Variants in SLC9C2 observed in about 807,000 individuals in gnomAD.
SLC9C2 encodes sodium/hydrogen exchanger 11.
A neutral mutation model predicts 140.2 loss-of-function variants in SLC9C2; 75 were observed. The ratio of observed to expected loss-of-function variants is 0.53; its 90% CI spans 0.44 to 0.65. SLC9C2 has a LOEUF of 0.65. Among genes scored for constraint, SLC9C2 ranks in the 30% least tolerant of loss-of-function variants. The pLI, the probability that SLC9C2 is intolerant of heterozygous loss-of-function variation, is 0.00. For synonymous variants in SLC9C2, 375 were observed against 420.9 expected (o/e 0.89, Z 1.34); for missense variants, 1,074 against 1,331.8 (o/e 0.81, Z 3.01).
intron 4 of SLC9C2, among the ~76,000 whole-genome samples, chr1:173,592,021 TC>T (rs1339137675): frequency 6.6e-6 from 1 of 152,232 alleles, no homozygotes; most frequent in African/African-American, 2.4e-5. Flanking sequence ...AAATCTTTAA[TC>T]CATCTTGAGT....
intron 7 of SLC9C2, among the ~76,000 whole-genome samples, chr1:173,580,407 A>G (rs1665455505): frequency 6.6e-6 from 1 of 151,788 alleles, no homozygotes; most frequent in Non-Finnish European, 1.5e-5. Flanking sequence ...GCTGAAGTGC[A>G]ATGGCATGAT....
At chr1:173,540,646 A>G (rs1420408388) in intron 13 of SLC9C2, among the ~76,000 whole-genome samples, 1 of 152,234 alleles carries the variant, frequency 6.6e-6, no homozygotes, top group Non-Finnish European at 1.5e-5. Flanking sequence ...AAGACAGAAA[A>G]TGTACCTCAT....
chr1:173,527,339 C>A (rs976321430), intron 18 of SLC9C2, among the ~76,000 whole-genome samples: 1 of 152,180 alleles, frequency 6.6e-6, no homozygotes, highest in Non-Finnish European at 1.5e-5. Flanking sequence ...CAGAAAAGAT[C>A]AGTATGTACT....
At chr1:173,587,289 T>G (rs6425251) in intron 5 of SLC9C2, among the ~76,000 whole-genome samples, 62,692 of 152,010 alleles carry the variant, frequency 0.41, 16,140 homozygotes, top group African/African-American at 0.7. Context: ...GAATAGTCTC[T>G]TTAGGGATCT....
Position 173,533,802 on chromosome 1 carries a change from A to G in SLC9C2, c.1975-5T>C. On this transcript the variant is annotated splice_polypyrimidine_tract_variant and splice_region_variant and intron_variant, in intron 16 of 27. Coordinates refer to ENST00000367714, the MANE Select transcript of SLC9C2 (RefSeq NM_178527.4). The stretch of plus-strand genomic sequence containing the variant: ...TTTCCTTTTCAAAATTATTATCTGT[A>G]CAGAAAACAAATGTCATTTCATAGC... 1.3e-6 allele frequency: 2 copies of G among 1,596,360 alleles called. No individual in the cohort carries two copies. Among genetic ancestry groups the G allele is most frequent in the Admixed American group, 1.8e-5 (1 of 56,770 alleles).
intron 27 of SLC9C2, among the ~76,000 whole-genome samples, chr1:173,502,502 G>A (rs979985022): frequency 6.6e-6 from 1 of 152,056 alleles, no homozygotes; most frequent in Non-Finnish European, 1.5e-5. Flanking sequence ...CTACAGTCAT[G>A]AGCCCTGCAG....
At chr1:173,522,393 C>T (rs1031185132) in intron 21 of SLC9C2, among the ~76,000 whole-genome samples, 1 of 152,092 alleles carries the variant, frequency 6.6e-6, no homozygotes. Flanking sequence ...AATCCAGAAG[C>T]AAACTGAACG....
In SLC9C2 at chr1:173,503,253, T is replaced by C; in HGVS notation, c.3371+13A>G. 1.2e-6 allele frequency: 2 copies of C among 1,608,850 alleles called. No homozygotes were observed. The highest frequency in any genetic ancestry group is 2.2e-5 in the South Asian group (2 of 90,220). ...ATAAGAAAAAATTCTAATCAAAGTG[T>C]CAAGTTTATTACCTCATCTTTTGTC... is the stretch of plus-strand genomic sequence containing the variant. On this transcript the variant is annotated intron_variant, in intron 27 of 27. Coordinates refer to ENST00000367714, the MANE Select transcript of SLC9C2 (RefSeq NM_178527.4).
At position 173,576,502 on chromosome 1, in the gene SLC9C2, G is replaced by C. The variant is rs1665187153; in HGVS notation, c.902+159C>G. 2.0e-5 allele frequency among the ~76,000 whole-genome samples: 3 copies of C among 152,064 alleles called. No individual in the cohort carries two copies. In the South Asian group the frequency reaches 6.2e-4, roughly 32 times the overall value. The stretch of plus-strand genomic sequence containing the variant: ...TATCAATTAATGCTGATAATTGTTG[G>C]CACCTTAAATTCTTTTCAAATATAA... On this transcript the variant is annotated intron_variant, in intron 8 of 27. Transcript: ENST00000367714.
chr1:173,558,141 G>C (rs550438894), intron 9 of SLC9C2, among the ~76,000 whole-genome samples: 1 of 152,080 alleles, frequency 6.6e-6, no homozygotes, highest in East Asian at 1.9e-4. Flanking sequence ...AAATTTCAGC[G>C]AAAGTGAAAA....
At chr1:173,517,499 A>C (rs1460750730) in intron 23 of SLC9C2, 38 bp downstream of exon 23, 1 of 1,510,794 alleles carries the variant, frequency 6.6e-7, no homozygotes, top group Non-Finnish European at 8.9e-7. Context: ...ATTTACTTGA[A>C]GAATAATTAA....
At chr1:173,589,557 C>A (rs1282557943) in intron 4 of SLC9C2, among the ~76,000 whole-genome samples, 2 of 150,792 alleles carry the variant, frequency 1.3e-5, no homozygotes, top group East Asian at 3.9e-4. Flanking sequence ...TAGACTCTGT[C>A]TCAAAAAAAA....
intron 8 of SLC9C2, among the ~76,000 whole-genome samples, chr1:173,573,726 A>G (rs1262475399): frequency 6.6e-6 from 1 of 152,184 alleles, no homozygotes; most frequent in Non-Finnish European, 1.5e-5. Context: ...AATAGCTAAT[A>G]CGATCATCTC....
At chr1:173,591,960 G>A (rs1468447977) in intron 4 of SLC9C2, among the ~76,000 whole-genome samples, 1 of 152,052 alleles carries the variant, frequency 6.6e-6, no homozygotes, top group Non-Finnish European at 1.5e-5. Context: ...GTCCAGAATG[G>A]TATTTCCTAG....
intron 19 of SLC9C2, among the ~76,000 whole-genome samples, chr1:173,525,563 G>A (rs145975480): frequency 1.3e-5 from 2 of 152,310 alleles, no homozygotes; most frequent in Non-Finnish European, 2.9e-5. Flanking sequence ...TAGAAACCTG[G>A]CTCACTACTT....
chr1:173,540,776 T>C (rs1484896413), intron 13 of SLC9C2, among the ~76,000 whole-genome samples: 1 of 152,140 alleles, frequency 6.6e-6, no homozygotes, highest in Admixed American at 6.6e-5. Flanking sequence ...CAAAGAGAAA[T>C]AGTTCAGTCT....
At chr1:173,599,994 TA>T in intron 3 of SLC9C2, 122 bp downstream of exon 3, 1 of 564,466 alleles carries the variant, frequency 1.8e-6, no homozygotes. Flanking sequence ...TAATACCAGA[TA>T]AAATTTTTTG....
chr1:173,535,558 C>T (rs901982019), intron 15 of SLC9C2, among the ~76,000 whole-genome samples: 2 of 152,134 alleles, frequency 1.3e-5, no homozygotes, highest in African/African-American at 4.8e-5. Flanking sequence ...TATTAAGCAG[C>T]CCGCAACACA....
intron 4 of SLC9C2, among the ~76,000 whole-genome samples, chr1:173,592,013 A>G (rs1341538581): frequency 6.6e-6 from 1 of 152,082 alleles, no homozygotes; most frequent in Non-Finnish European, 1.5e-5. Flanking sequence ...TTATGTTTAA[A>G]TCTTTAATCC....
Sources: gnomAD v4.1 joint callset for allele counts (sites outside exome capture counted in the v4.1 genomes callset) on GRCh38, gnomAD v4.1.1 for gene constraint, MANE v1.5 for transcripts, NCBI Gene and HGNC (gene_info 2026-07-23, HGNC 2026-07-21) for gene names.